Variants in GLIS3 observed in about 807,000 individuals in gnomAD.
The protein encoded by GLIS3 is GLIS family zinc finger 3.
Under a neutral mutation model 78.6 loss-of-function variants are expected in GLIS3, and 53 were observed. That is an observed-to-expected ratio of 0.67 (90% CI 0.54 to 0.85). GLIS3 has a LOEUF of 0.85. Among genes scored for constraint, GLIS3 ranks in the 40% least tolerant of loss-of-function variants. GLIS3 has a pLI of 0.00. For synonymous variants in GLIS3, 684 were observed against 509.9 expected, an observed-to-expected ratio of 1.34 and a Z score of -4.60; for missense variants, 1,703 against 1,231.1, an observed-to-expected ratio of 1.38 and a Z score of -5.74.
chr9:4,115,393 A>C (rs1264688014), intron 4 of GLIS3, among the ~76,000 whole-genome samples: 1 of 152,168 alleles, frequency 6.6e-6, no homozygotes, highest in Non-Finnish European at 1.5e-5. Context: ...GTGAGCTTTC[A>C]GTCAACTACC....
chr9:4,376,314 A>C, the GLIS3 span, among the ~76,000 whole-genome samples: 1 of 152,338 alleles, frequency 6.6e-6, no homozygotes, highest in South Asian at 2.1e-4. Context: ...TTAAAGCATT[A>C]GGAGTATCCA....
intron 8 of GLIS3, among the ~76,000 whole-genome samples, chr9:3,874,039 G>A (rs1347683198): frequency 1.3e-5 from 2 of 152,180 alleles, no homozygotes; most frequent in African/African-American, 4.8e-5. Flanking sequence ...GAAATCCTTG[G>A]AATCTTCAAA....
chr9:3,893,553 T>C (rs2130563681), intron 7 of GLIS3, among the ~76,000 whole-genome samples: 1 of 152,276 alleles, frequency 6.6e-6, no homozygotes, highest in South Asian at 2.1e-4. Context: ...AGGTTTTATG[T>C]AGTGAGAAAC....
At chr9:3,923,628 T>G (rs1436464770) in intron 6 of GLIS3, among the ~76,000 whole-genome samples, 1 of 151,666 alleles carries the variant, frequency 6.6e-6, no homozygotes, top group Non-Finnish European at 1.5e-5. Flanking sequence ...TATATTAGGG[T>G]TGCTAAATAA....
the GLIS3 span, among the ~76,000 whole-genome samples, chr9:4,470,379 A>T: frequency 1.3e-5 from 2 of 152,216 alleles, no homozygotes; most frequent in Non-Finnish European, 2.9e-5. Context: ...AACCAAATCC[A>T]GCAGCACATC....
At chr9:4,046,415 C>A (rs979719451) in intron 4 of GLIS3, among the ~76,000 whole-genome samples, 37 of 152,066 alleles carry the variant, frequency 2.4e-4, no homozygotes, top group African/African-American at 8.9e-4. Context: ...TTAGATCTAG[C>A]AGGATATAAC....
Position 3,977,438 on chromosome 9 carries a change from A to T in GLIS3, c.1711-40249T>A, listed in dbSNP as rs1287309229. Among the ~76,000 whole-genome samples the T allele has an allele frequency of 2.0e-5, 3 of 152,186 alleles. No homozygotes were observed. The highest frequency in any genetic ancestry group is 2.9e-5 in the Non-Finnish European group (2 of 68,032). On this transcript the variant is annotated intron_variant, in intron 4 of 10. Coordinates refer to ENST00000381971, the MANE Select transcript of GLIS3 (RefSeq NM_001042413.2). The surrounding 1 kb of genome is among the most constrained non-coding windows in gnomAD (Gnocchi z 4.1). ...GTTGATATCCACTAGTGCTATTATT[A>T]AAAAGACTAATGAGAGCTGCTCGGT...
chr9:4,373,798 G>T, the GLIS3 span, among the ~76,000 whole-genome samples: 1 of 151,690 alleles, frequency 6.6e-6, no homozygotes, highest in African/African-American at 2.4e-5. Context: ...CTCCCGAGTA[G>T]CTGGGATTAC....
At chr9:4,337,333 G>A (rs917705919) in intron 2 of GLIS3, among the ~76,000 whole-genome samples, 19 of 152,140 alleles carry the variant, frequency 1.2e-4, no homozygotes, top group Admixed American at 2.6e-4. Context: ...TCAGAAAATA[G>A]TTAATTAAAT....
At chr9:4,335,188 A>G (rs1040543902) in intron 2 of GLIS3, among the ~76,000 whole-genome samples, 4 of 152,122 alleles carry the variant, frequency 2.6e-5, no homozygotes, top group Admixed American at 6.5e-5. Context: ...GATTACAGGC[A>G]TGAGCCACCG....
upstream of GLIS3, among the ~76,000 whole-genome samples, chr9:4,304,402 G>C (rs1205720963): frequency 6.6e-6 from 1 of 152,124 alleles, no homozygotes; most frequent in Non-Finnish European, 1.5e-5. Context: ...CCTATTTCTT[G>C]AGGAAGAAAA....
intron 2 of GLIS3, among the ~76,000 whole-genome samples, chr9:4,205,028 T>G (rs1586970879): frequency 6.6e-6 from 1 of 151,838 alleles, no homozygotes. Context: ...CTACAAAAAT[T>G]AGCTGGGCGT....
At chr9:4,092,473 C>T (rs998612984) in intron 4 of GLIS3, among the ~76,000 whole-genome samples, 5 of 152,196 alleles carry the variant, frequency 3.3e-5, no homozygotes, top group Non-Finnish European at 1.5e-5. Context: ...CACAAACACA[C>T]TGTACAGCTG....
the GLIS3 span, among the ~76,000 whole-genome samples, chr9:4,440,849 T>A: frequency 6.6e-6 from 1 of 152,194 alleles, no homozygotes; most frequent in Non-Finnish European, 1.5e-5. Context: ...AGTTTTTTTG[T>A]AGTTTTCATT....
chr9:4,338,024 CTG>C (rs74777663), intron 2 of GLIS3, among the ~76,000 whole-genome samples: 4,721 of 138,854 alleles, frequency 0.034, 144 homozygotes, highest in African/African-American at 0.089. Context: ...ATTGGCAAGG[CTG>C]TGTGTGTGTG....
chr9:4,186,827 C>A (rs1375968710), intron 2 of GLIS3, among the ~76,000 whole-genome samples: 2 of 152,134 alleles, frequency 1.3e-5, no homozygotes, highest in African/African-American at 4.8e-5. Flanking sequence ...ATATCCATTG[C>A]CCACTTTTTG....
At chr9:3,915,289 A>T (rs960307401) in intron 6 of GLIS3, among the ~76,000 whole-genome samples, 4 of 152,150 alleles carry the variant, frequency 2.6e-5, no homozygotes, top group Non-Finnish European at 5.9e-5. Flanking sequence ...CTCTCAAAAA[A>T]ACAAAATTCC....
At chr9:4,264,840 C>T (rs1358874132) in intron 2 of GLIS3, among the ~76,000 whole-genome samples, 1 of 152,078 alleles carries the variant, frequency 6.6e-6, no homozygotes, top group Admixed American at 6.6e-5. Context: ...ACTATTCACA[C>T]AGCAAGCTGT....
chr9:4,459,941 G>C, the GLIS3 span, among the ~76,000 whole-genome samples: 28 of 152,384 alleles, frequency 1.8e-4, no homozygotes, highest in African/African-American at 5.0e-4. Flanking sequence ...TGGTGGGGGA[G>C]AGGGAATGAC....
Sources: allele counts gnomAD v4.1 joint callset (sites outside exome capture counted in the v4.1 genomes callset), GRCh38; gene constraint gnomAD v4.1.1; non-coding constraint Gnocchi (gnomAD v3.1); transcripts MANE v1.5; gene names NCBI Gene and HGNC (gene_info 2026-07-23, HGNC 2026-07-21).